LNX1: variants seen among roughly 807,000 people sequenced by gnomAD.
The protein encoded by LNX1 is E3 ubiquitin-protein ligase LNX.
LNX1 carries 54 observed loss-of-function variants against 68.4 expected under a neutral mutation model. The observed-to-expected ratio is 0.79, with a 90% confidence interval of 0.63 to 0.99. The LOEUF (loss-of-function observed/expected upper bound fraction) is 0.99, where lower values mean the gene tolerates loss of function less well. LNX1 is among the 50% of genes least tolerant of loss of function. The pLI is 0.00. For synonymous variants in LNX1, 336 were observed against 350.0 expected (o/e 0.96, Z 0.45); for missense variants, 906 against 926.4 (o/e 0.98, Z 0.29).
At chr4:53,485,295 G>A (rs557705093) in intron 6 of LNX1, among the ~76,000 whole-genome samples, 1 of 152,330 alleles carries the variant, frequency 6.6e-6, no homozygotes, top group East Asian at 1.9e-4. Context: ...CCAGCAGAGT[G>A]TCCATAGGCT....
At chr4:53,493,881 T>A (rs1183759293) in intron 6 of LNX1, among the ~76,000 whole-genome samples, 1 of 152,348 alleles carries the variant, frequency 6.6e-6, no homozygotes, top group East Asian at 1.9e-4. Flanking sequence ...TTCTAGAAGA[T>A]CATGCCATTT....
chr4:53,619,782 T>C (rs191892327), upstream of LNX1, among the ~76,000 whole-genome samples: 3 of 152,232 alleles, frequency 2.0e-5, no homozygotes, highest in African/African-American at 7.2e-5. Context: ...TTCGATGAAC[T>C]GTCAAACTGT....
intron 1 of LNX1, among the ~76,000 whole-genome samples, chr4:53,589,833 T>C (rs1732396828): frequency 1.3e-5 from 2 of 152,256 alleles, no homozygotes; most frequent in Admixed American, 6.5e-5. Context: ...CTTTGTCACT[T>C]CTTTTCTTTC....
chr4:53,576,779 G>C (rs1447703752), intron 1 of LNX1, among the ~76,000 whole-genome samples: 1 of 152,148 alleles, frequency 6.6e-6, no homozygotes, highest in Non-Finnish European at 1.5e-5. Flanking sequence ...AGCCACATTT[G>C]GAAACAGCCC....
At chr4:53,621,638 A>G (rs1273249681), upstream of LNX1, among the ~76,000 whole-genome samples, 2 of 152,228 alleles carry the variant, frequency 1.3e-5, no homozygotes, top group African/African-American at 2.4e-5. Context: ...AGAGTTAGAC[A>G]GAATCAGACA....
chr4:53,533,110 T>C (rs912625662), intron 2 of LNX1, among the ~76,000 whole-genome samples: 1 of 152,192 alleles, frequency 6.6e-6, no homozygotes, highest in South Asian at 2.1e-4. Flanking sequence ...GTTTATTTGG[T>C]TAATTAATTG....
chr4:53,533,918 C>T (rs772886193), intron 2 of LNX1, among the ~76,000 whole-genome samples: 15 of 152,158 alleles, frequency 9.9e-5, no homozygotes, highest in South Asian at 4.1e-4. Flanking sequence ...TTCCAGTGCA[C>T]GCTAAGGTTT....
chr4:53,558,775 C>T (rs1026261156), intron 2 of LNX1, among the ~76,000 whole-genome samples: 2 of 152,322 alleles, frequency 1.3e-5, no homozygotes, highest in African/African-American at 4.8e-5. Context: ...GCTCTGAAAT[C>T]AGCTGTATGA....
rs116715607 is a variant in LNX1 at position 53,587,290 on chromosome 4, A to G, written c.-87+4098T>C. On this transcript the variant is annotated intron_variant, in intron 1 of 10. Transcript: ENST00000263925. ...CGTTTTCTGTTCCTGATTTCAGCTC[A>G]GTGTAGTTTTCCACATTTTATGGTT... Among the ~76,000 whole-genome samples the G allele has an allele frequency of 4.8e-3, 726 of 152,306 alleles. 8 individuals carry two copies. Among genetic ancestry groups the G allele is most frequent in the African/African-American group, 0.015 (629 of 41,564 alleles).
At chr4:53,489,950 G>A (rs1012236348) in intron 6 of LNX1, among the ~76,000 whole-genome samples, 8 of 151,960 alleles carry the variant, frequency 5.3e-5, no homozygotes, top group South Asian at 4.2e-4. Context: ...TACTGGCTCC[G>A]GGGGACTTGA....
chr4:53,496,421 G>A lies in LNX1; in HGVS notation c.979-27C>T, dbSNP rs376756399. On this transcript the variant is annotated intron_variant, in intron 5 of 10. Coordinates refer to ENST00000263925, the MANE Select transcript of LNX1 (RefSeq NM_001126328.3). ...TGGGGGCAGGTGGAACAATCGTGCG[G>A]TCAGCTCCACCTGCCACAACCCTTC... 17 of 1,541,056 alleles carry A rather than the reference G, an allele frequency of 1.1e-5. No individual in the cohort carries two copies. In the Admixed American group the frequency reaches 1.3e-4, roughly 12 times the overall value.
At chr4:53,565,896 C>T (rs559611952) in intron 2 of LNX1, among the ~76,000 whole-genome samples, 355 of 152,120 alleles carry the variant, frequency 2.3e-3, no homozygotes, top group African/African-American at 8.1e-3. Flanking sequence ...GAAAGGGTAT[C>T]AGCAATGGAA....
At chr4:53,538,261 A>T (rs746294640) in intron 2 of LNX1, among the ~76,000 whole-genome samples, 1 of 152,142 alleles carries the variant, frequency 6.6e-6, no homozygotes, top group Non-Finnish European at 1.5e-5. Context: ...ACCCCTTTCC[A>T]CTGGACTGCC....
intron 7 of LNX1, among the ~76,000 whole-genome samples, chr4:53,479,591 G>A (rs1298645201): frequency 6.6e-6 from 1 of 151,958 alleles, no homozygotes; most frequent in East Asian, 1.9e-4. Flanking sequence ...AGGGTTACCT[G>A]ACTTTGGCTG....
intron 9 of LNX1, among the ~76,000 whole-genome samples, chr4:53,469,650 A>C (rs1292636542): frequency 6.6e-6 from 1 of 151,794 alleles, no homozygotes; most frequent in Admixed American, 6.6e-5. Context: ...AAAAAATGAC[A>C]AAGGGGATAT....
intron 1 of LNX1, among the ~76,000 whole-genome samples, chr4:53,646,712 T>C (rs1156480424): frequency 3.9e-5 from 6 of 152,202 alleles, no homozygotes; most frequent in African/African-American, 1.4e-4. Context: ...AAATGAGCCA[T>C]GCTAATGTGG....
At chr4:53,537,958 G>A (rs1243114442) in intron 2 of LNX1, among the ~76,000 whole-genome samples, 1 of 152,194 alleles carries the variant, frequency 6.6e-6, no homozygotes, top group Admixed American at 6.5e-5. Context: ...CTAAGGCTGG[G>A]GGAGAGAGCC....
chr4:53,587,677 C>A (rs1442040474), intron 1 of LNX1, among the ~76,000 whole-genome samples: 1 of 152,106 alleles, frequency 6.6e-6, no homozygotes. Context: ...AAAAAGTAGT[C>A]AAGATCCCAC....
At chr4:53,544,664 G>A (rs1226917860) in intron 2 of LNX1, among the ~76,000 whole-genome samples, 1 of 152,200 alleles carries the variant, frequency 6.6e-6, no homozygotes, top group Non-Finnish European at 1.5e-5. Flanking sequence ...CTTTTCTAAA[G>A]AAAAAAGTGT....
Sources: allele counts gnomAD v4.1 joint callset (sites outside exome capture counted in the v4.1 genomes callset), GRCh38; gene constraint gnomAD v4.1.1; transcripts MANE v1.5; gene names NCBI Gene and HGNC (gene_info 2026-07-23, HGNC 2026-07-21).